Variants in SPOCK3 observed in about 807,000 individuals in gnomAD.
SPOCK3 encodes the protein testican-3.
A neutral mutation model predicts 56.6 loss-of-function variants in SPOCK3; 30 were observed. The observed-to-expected ratio is 0.53, with a 90% CI of 0.40 to 0.72. The LOEUF (loss-of-function observed/expected upper bound fraction) is 0.72. Ranked by LOEUF, SPOCK3 falls within the 30% of genes least tolerant of loss-of-function variation. The pLI, the probability that SPOCK3 is intolerant of heterozygous loss-of-function variation, is 0.00. For missense variants in SPOCK3, 527 were observed against 530.0 expected, an observed-to-expected ratio of 0.99 and a Z score of 0.06; for synonymous variants, 196 against 183.3, an observed-to-expected ratio of 1.07 and a Z score of -0.56.
chr4:166,977,411 A>G (rs1290281530), intron 4 of SPOCK3, among the ~76,000 whole-genome samples: 1 of 115,782 alleles, frequency 8.6e-6, no homozygotes, highest in African/African-American at 2.7e-5. Flanking sequence ...TAAAATATTC[A>G]TTATGATAAT....
At chr4:167,038,368 T>C (rs1580086229) in intron 3 of SPOCK3, among the ~76,000 whole-genome samples, 1 of 152,174 alleles carries the variant, frequency 6.6e-6, no homozygotes, top group East Asian at 1.9e-4. Context: ...TTTCTTCATC[T>C]CTTAACATAG....
chr4:167,143,547 A>T (rs1189153194), intron 2 of SPOCK3, among the ~76,000 whole-genome samples: 1 of 152,000 alleles, frequency 6.6e-6, no homozygotes, highest in Non-Finnish European at 1.5e-5. Flanking sequence ...TATTTTCTTG[A>T]TTCAAACATA....
intron 2 of SPOCK3, among the ~76,000 whole-genome samples, chr4:167,155,876 G>A (rs539754988): frequency 6.6e-6 from 1 of 152,222 alleles, no homozygotes; most frequent in South Asian, 2.1e-4. Flanking sequence ...TGCATGCAGA[G>A]CTTGAAACTC....
At chr4:167,027,478 A>T (rs1281758699) in intron 3 of SPOCK3, among the ~76,000 whole-genome samples, 1 of 151,720 alleles carries the variant, frequency 6.6e-6, no homozygotes, top group Non-Finnish European at 1.5e-5. Context: ...TATAATTAAG[A>T]CTTCTATTAT....
intron 5 of SPOCK3, among the ~76,000 whole-genome samples, chr4:166,901,489 T>A (rs1736040604): frequency 1.3e-5 from 2 of 152,172 alleles, no homozygotes. Flanking sequence ...AATAAATGTT[T>A]CACTAACACA....
At chr4:166,950,077 A>G (rs1242959695) in intron 4 of SPOCK3, among the ~76,000 whole-genome samples, 1 of 151,106 alleles carries the variant, frequency 6.6e-6, no homozygotes, top group Non-Finnish European at 1.5e-5. Context: ...TCAAATTCAC[A>G]CATAACAATA....
At chr4:166,977,345 T>C (rs1746063344) in intron 4 of SPOCK3, among the ~76,000 whole-genome samples, 1 of 152,080 alleles carries the variant, frequency 6.6e-6, no homozygotes, top group African/African-American at 2.4e-5. Context: ...TATGAAAATG[T>C]AGACAAAATG....
intron 2 of SPOCK3, chr4:167,119,664 T>C (rs1220739010): frequency 3.2e-6 from 2 of 616,188 alleles, no homozygotes; most frequent in Non-Finnish European, 5.5e-6. Flanking sequence ...GTCATAGACT[T>C]GTTTGTTTGA....
In SPOCK3 at chr4:166,984,770, T is replaced by A. The variant is rs112539801; in HGVS notation, c.350+15579A>T. Among the ~76,000 whole-genome samples, 903 of 152,262 alleles carry A rather than the reference T, an allele frequency of 5.9e-3. 8 individuals carry two copies. Among genetic ancestry groups the A allele is most frequent in the African/African-American group, 0.021 (861 of 41,568 alleles). On this transcript the variant is annotated intron_variant, in intron 4 of 10. Coordinates refer to ENST00000357545, the MANE Select transcript of SPOCK3 (RefSeq NM_001040159.2). ...CTTCCTTTTAGCCTCTTAGCAGCAA[T>A]GTTGTTTGTCTATACAATTAACTAC... is the stretch of plus-strand genomic sequence containing the variant.
intron 4 of SPOCK3, among the ~76,000 whole-genome samples, chr4:166,944,792 A>G (rs969646577): frequency 6.6e-6 from 1 of 152,006 alleles, no homozygotes; most frequent in African/African-American, 2.4e-5. Context: ...GGTATCTTCC[A>G]GTATTCTTCA....
At chr4:166,955,627 T>C (rs1295979140) in intron 4 of SPOCK3, among the ~76,000 whole-genome samples, 1 of 146,244 alleles carries the variant, frequency 6.8e-6, no homozygotes. Flanking sequence ...TTTAATATAA[T>C]TTAATTATAT....
intron 3 of SPOCK3, among the ~76,000 whole-genome samples, chr4:167,034,907 T>TA (rs1201586047): frequency 1.3e-5 from 2 of 152,160 alleles, no homozygotes; most frequent in Non-Finnish European, 2.9e-5. Flanking sequence ...CTTCCTGTGT[T>TA]AAGCAAACAT....
intron 3 of SPOCK3, among the ~76,000 whole-genome samples, chr4:167,017,075 G>A (rs1348166124): frequency 6.6e-6 from 1 of 152,064 alleles, no homozygotes; most frequent in Non-Finnish European, 1.5e-5. Flanking sequence ...TAAATGAGGG[G>A]AAAAATGGAG....
Position 166,911,280 on chromosome 4 carries a change from G to C in SPOCK3, c.474+1340C>G, listed in dbSNP as rs768953157. 1.4e-3 allele frequency among the ~76,000 whole-genome samples: 211 copies of C among 152,224 alleles called. 1 individual carries two copies. Among genetic ancestry groups the C allele is most frequent in the Admixed American group, 9.8e-4 (15 of 15,274 alleles). Reference sequence around the variant, plus strand: ...TATTTAGTGACTGAATTAATTAAGAGCATTGTAGTGCACTTTCCCAGATTT... The same window carrying C: ...TATTTAGTGACTGAATTAATTAAGACCATTGTAGTGCACTTTCCCAGATTT... On this transcript the variant is annotated intron_variant, in intron 5 of 10. Coordinates refer to ENST00000357545, the MANE Select transcript of SPOCK3 (RefSeq NM_001040159.2).
chr4:167,038,254 G>A (rs898805234), intron 3 of SPOCK3, among the ~76,000 whole-genome samples: 4 of 152,112 alleles, frequency 2.6e-5, no homozygotes, highest in African/African-American at 9.7e-5. Context: ...ATATCATTAG[G>A]ACACTTTCAG....
chr4:167,208,985 GA>G, intron 2 of SPOCK3, among the ~76,000 whole-genome samples: 1 of 152,200 alleles, frequency 6.6e-6, no homozygotes, highest in East Asian at 1.9e-4. Flanking sequence ...CACTAATAGT[GA>G]AATATCTTTT....
chr4:167,102,795 T>C (rs968603006), intron 2 of SPOCK3, among the ~76,000 whole-genome samples: 10 of 151,984 alleles, frequency 6.6e-5, no homozygotes, highest in African/African-American at 2.2e-4. Context: ...AAAGGCATTC[T>C]AGGCCATAAG....
intron 4 of SPOCK3, among the ~76,000 whole-genome samples, chr4:166,917,332 A>G (rs902743670): frequency 3.3e-5 from 5 of 152,080 alleles, no homozygotes; most frequent in African/African-American, 1.2e-4. Context: ...CAATTTATGC[A>G]TTATATATTT....
chr4:166,850,388 A>C (rs1748551522), intron 6 of SPOCK3, among the ~76,000 whole-genome samples: 1 of 152,228 alleles, frequency 6.6e-6, no homozygotes, highest in African/African-American at 2.4e-5. Context: ...CTATGCAATA[A>C]ATTTGTGATA....
Sources: gnomAD v4.1 joint callset for allele counts (sites outside exome capture counted in the v4.1 genomes callset) on GRCh38, gnomAD v4.1.1 for gene constraint, MANE v1.5 for transcripts, NCBI Gene and HGNC (gene_info 2026-07-23, HGNC 2026-07-21) for gene names.